The following TTC28 variants were observed in gnomAD, a reference collection of about 807,000 sequenced individuals.
TTC28 encodes the protein tetratricopeptide repeat protein 28.
TTC28 carries 61 observed loss-of-function variants against 198.0 expected under a neutral mutation model. The ratio of observed to expected loss-of-function variants is 0.31; its 90% confidence interval spans 0.25 to 0.38. The LOEUF (loss-of-function observed/expected upper bound fraction) is 0.38. Ranked by LOEUF, TTC28 falls within the 10% of genes least tolerant of loss-of-function variation. TTC28 has a pLI of 1.00. For missense variants in TTC28, 2,678 were observed against 3,164.0 expected (o/e 0.85, Z 3.69); for synonymous variants, 1,171 against 1,297.8 (o/e 0.90, Z 2.10).
At position 28,122,833 on chromosome 22, in the gene TTC28, T is replaced by G. The variant is rs185107890; in HGVS notation, c.1442-14430A>C. Among the ~76,000 whole-genome samples the G allele has an allele frequency of 2.6e-5, 4 of 152,352 alleles. No individual in the cohort carries two copies. The East Asian group carries it at 7.7e-4, about 29-fold the overall frequency. On this transcript the variant is annotated intron_variant, in intron 6 of 22. Transcript: ENST00000397906. The stretch of plus-strand genomic sequence containing the variant: ...TATATTGTTGTCTACAGCTCTCTTT[T>G]GTAGAATAAAAATTGTTTTAGTTTA...
At chr22:28,198,065 A>C (rs1925550145) in intron 5 of TTC28, among the ~76,000 whole-genome samples, 1 of 152,148 alleles carries the variant, frequency 6.6e-6, no homozygotes, top group African/African-American at 2.4e-5. Context: ...AAACTGTTGA[A>C]GCTTTTCTGA....
chr22:28,620,542 T>A (rs1442873305), intron 2 of TTC28, among the ~76,000 whole-genome samples: 4 of 152,142 alleles, frequency 2.6e-5, no homozygotes, highest in African/African-American at 9.7e-5. Context: ...GGGATAGAGA[T>A]CCTAACACAG....
chr22:28,529,216 C>T (rs2049076083), intron 2 of TTC28, among the ~76,000 whole-genome samples: 2 of 148,640 alleles, frequency 1.3e-5, no homozygotes, highest in Admixed American at 6.8e-5. Context: ...CACCCTAATA[C>T]TGTGCTTTTC....
chr22:28,347,287 A>C, intron 2 of TTC28, among the ~76,000 whole-genome samples: 1 of 150,048 alleles, frequency 6.7e-6, no homozygotes, highest in African/African-American at 2.4e-5. Context: ...AAAAAAAAAC[A>C]AAAAAAGAAA....
rs548180512 is a variant in TTC28, at chr22:28,163,003, C to T, written c.1441+89G>A. 2.2e-6 allele frequency: 3 copies of T among 1,392,924 alleles called. No homozygotes were observed. The Middle Eastern group carries it at 7.7e-4, about 359-fold the overall frequency. The allele number at this position is 1,392,924 out of a possible 1,614,324, so 86.3% of individuals were successfully genotyped here. A position where few individuals can be genotyped will look rare whatever the true frequency, so the allele number is the denominator to read the frequency against. On this transcript the variant is annotated intron_variant, in intron 6 of 22. Transcript: ENST00000397906. ...AAGGATATTCTTTTAAATATAAACA[C>T]ACAGATTCCTATAAAAGATAGTGAT...
intron 12 of TTC28, among the ~76,000 whole-genome samples, chr22:28,039,875 T>G (rs560744397): frequency 6.6e-6 from 1 of 151,902 alleles, no homozygotes; most frequent in Non-Finnish European, 1.5e-5. Flanking sequence ...AAGAATCAAA[T>G]AGACATGATA....
intron 6 of TTC28, among the ~76,000 whole-genome samples, chr22:28,159,879 G>A (rs12168729): frequency 0.011 from 1,739 of 152,242 alleles, 29 homozygotes; most frequent in African/African-American, 0.04. Context: ...GTACTATTCA[G>A]CCATAGAAAA....
intron 2 of TTC28, among the ~76,000 whole-genome samples, chr22:28,413,210 C>A (rs2047111114): frequency 6.6e-6 from 1 of 151,924 alleles, no homozygotes; most frequent in South Asian, 2.1e-4. Flanking sequence ...CCAAGGCGGG[C>A]GGATGACGAG....
At position 28,322,848 on chromosome 22, in the gene TTC28, A is replaced by C. The variant is rs573157010; in HGVS notation, c.382-16205T>G. 2.0e-5 allele frequency among the ~76,000 whole-genome samples: 3 copies of C among 152,312 alleles called. No individual in the cohort carries two copies. The East Asian group carries it at 5.8e-4, about 29-fold the overall frequency. On this transcript the variant is annotated intron_variant, in intron 2 of 22. Transcript: ENST00000397906. The stretch of plus-strand genomic sequence containing the variant: ...GGCTGTTTCCTTCTGGATCCTCCAG[A>C]GAAGAATCTGTTTCTTGCTTCTTCC...
At chr22:28,527,017 G>A (rs9625492) in intron 2 of TTC28, among the ~76,000 whole-genome samples, 10,558 of 152,076 alleles carry the variant, frequency 0.069, 537 homozygotes, top group Non-Finnish European at 0.096. Flanking sequence ...CTCAGCCTCC[G>A]AAACTGCTGA....
chr22:28,584,035 G>C (rs2050273948), intron 2 of TTC28, among the ~76,000 whole-genome samples: 1 of 128,398 alleles, frequency 7.8e-6, no homozygotes, highest in South Asian at 2.4e-4. Flanking sequence ...TTTTTTTTTG[G>C]CACAATCATA....
chr22:28,378,470 G>A (rs2046446812), intron 2 of TTC28, among the ~76,000 whole-genome samples: 1 of 151,452 alleles, frequency 6.6e-6, no homozygotes, highest in South Asian at 2.1e-4. Context: ...GACCAGCCTG[G>A]GCAACATAGG....
intron 12 of TTC28, among the ~76,000 whole-genome samples, chr22:28,053,029 T>C (rs142966545): frequency 6.6e-6 from 1 of 152,392 alleles, no homozygotes; most frequent in East Asian, 1.9e-4. Flanking sequence ...GCCAGCTAAA[T>C]ATTTGTTTCT....
intron 7 of TTC28, among the ~76,000 whole-genome samples, 182 bp downstream of exon 7, chr22:28,106,880 T>C (rs1259656973): frequency 6.6e-6 from 1 of 152,180 alleles, no homozygotes; most frequent in Admixed American, 6.5e-5. Flanking sequence ...AGTTTCTTCA[T>C]CCATAACATA....
chr22:28,475,568 C>T (rs2048152840), intron 2 of TTC28, among the ~76,000 whole-genome samples: 2 of 152,160 alleles, frequency 1.3e-5, no homozygotes, highest in South Asian at 2.1e-4. Flanking sequence ...TACTGCTCTT[C>T]CTGGTTGACT....
chr22:28,465,772 T>C (rs1017750562), intron 2 of TTC28, among the ~76,000 whole-genome samples: 4 of 152,234 alleles, frequency 2.6e-5, no homozygotes, highest in Non-Finnish European at 4.4e-5. Flanking sequence ...AATCAAAGGT[T>C]GATATGCTAT....
chr22:28,507,278 A>G (rs1263524165), intron 2 of TTC28, among the ~76,000 whole-genome samples: 2 of 152,236 alleles, frequency 1.3e-5, no homozygotes, highest in African/African-American at 4.8e-5. Context: ...CACAAGTAAC[A>G]ACAGCAGAAT....
intron 2 of TTC28, among the ~76,000 whole-genome samples, chr22:28,545,451 C>T (rs1390182859): frequency 6.6e-6 from 1 of 152,018 alleles, no homozygotes; most frequent in Non-Finnish European, 1.5e-5. Flanking sequence ...TAGTGGCATG[C>T]ACCTACAGTC....
At chr22:28,520,309 C>G (rs2048878643) in intron 2 of TTC28, among the ~76,000 whole-genome samples, 1 of 152,216 alleles carries the variant, frequency 6.6e-6, no homozygotes, top group Non-Finnish European at 1.5e-5. Context: ...CTTTCATAAA[C>G]TAATGTCTCA....
Sources: gnomAD v4.1 joint callset for allele counts (sites outside exome capture counted in the v4.1 genomes callset) on GRCh38, gnomAD v4.1.1 for gene constraint, MANE v1.5 for transcripts, NCBI Gene and HGNC (gene_info 2026-07-23, HGNC 2026-07-21) for gene names.